Variants in MOCOS observed in about 807,000 individuals in gnomAD.
MOCOS encodes molybdenum cofactor sulfurase, also known as human molybdenum cofactor sulfurase.
MOCOS carries 86 observed loss-of-function variants against 83.6 expected under a neutral mutation model. The observed-to-expected ratio is 1.03, with a 90% confidence interval of 0.86 to 1.23. The LOEUF is 1.23. MOCOS is among the 50% of genes most tolerant of loss of function. The pLI, the probability that MOCOS is intolerant of heterozygous loss-of-function variation, is 0.00. For synonymous variants in MOCOS, 445 were observed against 434.7 expected (o/e 1.02, Z -0.29); for missense variants, 1,120 against 1,126.9 (o/e 0.99, Z 0.09).
At chr18:36,197,727 C>G (rs1263576838) in intron 2 of MOCOS, among the ~76,000 whole-genome samples, 1 of 151,910 alleles carries the variant, frequency 6.6e-6, no homozygotes, top group East Asian at 2.0e-4. Context: ...GAGCTATGAT[C>G]AGCCACTGTA....
At chr18:36,201,663 C>CAAAAAA (rs200846253) in intron 4 of MOCOS, among the ~76,000 whole-genome samples, 20 of 69,458 alleles carry the variant, frequency 2.9e-4, no homozygotes, top group East Asian at 4.8e-4. Context: ...ACTCCATCTC[C>CAAAAAA]AAAAAAAAAA....
In MOCOS at chr18:36,215,747, GT is replaced by G; in HGVS notation, c.1568del (p.Val523AlafsTer26). On this transcript the variant is annotated frameshift_variant, in exon 8 of 15. Coordinates refer to ENST00000261326, the MANE Select transcript of MOCOS (RefSeq NM_017947.4). LOFTEE classifies it high-confidence loss of function. ...CAGCCAGGCTGATGTTATACCTGCT[GT>G]CATGGGCAGACGTAGCCTCTCGCCT... is the stretch of plus-strand genomic sequence containing the variant. ...ADSQADVIPA[V>X]MGRRSLSPQE... 1.2e-6 allele frequency: 2 copies of G among 1,614,222 alleles called. No individual in the cohort carries two copies. The highest frequency in any genetic ancestry group is 1.7e-6 in the Non-Finnish European group (2 of 1,180,048).
In MOCOS at chr18:36,215,151, G is replaced by A. The variant is rs147014341; in HGVS notation, c.1336-365G>A. ...GTGATGTTTCTCCCATCTCAGCCCC[G>A]GGTAGACCTTGAGGTTGACCCCTTG... On this transcript the variant is annotated intron_variant, in intron 7 of 14. Coordinates refer to ENST00000261326, the MANE Select transcript of MOCOS (RefSeq NM_017947.4). Among the ~76,000 whole-genome samples the A allele has an allele frequency of 1.3e-4, 20 of 152,300 alleles. No homozygotes were observed. In the East Asian group the frequency reaches 1.7e-3, roughly 13 times the overall value.
At position 36,268,611 on chromosome 18, in the gene MOCOS, C is replaced by T; in HGVS notation, c.2593C>T (p.Leu865Phe). 6.2e-7 allele frequency: 1 copy of T among 1,614,050 alleles called. No individual in the cohort carries two copies. The highest frequency in any genetic ancestry group is 2.2e-5 in the East Asian group (1 of 44,876). The change falls in exon 15 of 15, where the codon CTC (leucine) becomes TTC (phenylalanine). Residue 865 changes from leucine (L) to phenylalanine (F), a missense_variant. Physicochemically the swap from Leu to Phe is conservative, Grantham distance 22 (BLOSUM62 0). Transcript: ENST00000261326. ...PCFLSVGSQVLPVLKENVEGH... is the reference protein window; with the variant it reads ...PCFLSVGSQVFPVLKENVEGH... ...TTTCCTGTCTGTAGGATCTCAGGTG[C>T]TCCCTGTGTTGAAAGAGAATGTGGA...
chr18:36,191,776 G>C (rs2091367355), intron 1 of MOCOS, among the ~76,000 whole-genome samples: 1 of 152,104 alleles, frequency 6.6e-6, no homozygotes, highest in Non-Finnish European at 1.5e-5. Flanking sequence ...ACACATGTGA[G>C]CCATATGTCT....
chr18:36,195,395 T>C (rs2091383187), intron 2 of MOCOS, 49 bp downstream of exon 2: 6 of 1,443,200 alleles, frequency 4.2e-6, no homozygotes, highest in Non-Finnish European at 5.9e-6. Context: ...ATGCAGCTGA[T>C]ATACCTGTGC....
chr18:36,214,244 CAAAAAAAAA>C (rs33965546), intron 7 of MOCOS, among the ~76,000 whole-genome samples: 1 of 91,396 alleles, frequency 1.1e-5, no homozygotes, highest in Non-Finnish European at 2.1e-5. Flanking sequence ...AACTCAGTCT[CAAAAAAAAA>C]AAAAAAAAAG....
At chr18:36,243,581 G>T (rs683711) in intron 9 of MOCOS, among the ~76,000 whole-genome samples, 90,004 of 150,886 alleles carry the variant, frequency 0.6, 27,613 homozygotes, top group African/African-American at 0.72. Flanking sequence ...TTCTTTTTTT[G>T]TTGTTATGTC....
rs774132185 is a variant in MOCOS at position 36,256,938 on chromosome 18, C to T, written c.2165-30C>T. 7 of 1,565,402 alleles carry T rather than the reference C, an allele frequency of 4.5e-6. 1 individual carries two copies. In the South Asian group the frequency reaches 6.7e-5, roughly 15 times the overall value. ...ATTCACTGGCATTCTGAGAAAGCAA[C>T]TCTTCTTTTAAATGCTCCATCATTT... On this transcript the variant is annotated intron_variant, in intron 11 of 14. Coordinates refer to ENST00000261326, the MANE Select transcript of MOCOS (RefSeq NM_017947.4).
At chr18:36,248,282 A>T (rs1259926257) in intron 9 of MOCOS, among the ~76,000 whole-genome samples, 1 of 152,074 alleles carries the variant, frequency 6.6e-6, no homozygotes, top group African/African-American at 2.4e-5. Flanking sequence ...TTGCTCATTT[A>T]AAAAAATTGA....
chr18:36,219,524 C>T (rs1011839845), intron 8 of MOCOS, among the ~76,000 whole-genome samples: 2 of 151,824 alleles, frequency 1.3e-5, no homozygotes, highest in East Asian at 1.9e-4. Context: ...ACTAAAAATA[C>T]AAAACTTAGC....
At chr18:36,197,333 G>T (rs1476148428) in intron 2 of MOCOS, among the ~76,000 whole-genome samples, 1 of 152,116 alleles carries the variant, frequency 6.6e-6, no homozygotes, top group Non-Finnish European at 1.5e-5. Flanking sequence ...GTTAAACAGA[G>T]CCACAGCCAC....
At chr18:36,257,102 A>T in intron 12 of MOCOS, 29 bp downstream of exon 12, 1 of 1,580,728 alleles carries the variant, frequency 6.3e-7, no homozygotes, top group Non-Finnish European at 8.7e-7. Context: ...GGACTAGCAG[A>T]CAAGCATAAC....
chr18:36,192,897 C>T lies in MOCOS; in HGVS notation c.143-2360C>T, dbSNP rs556276634. ...CTCCTGACCTCAGATGATCCACTCA[C>T]CTCAGCTTCCCCAAGTGCTGAGATT... On this transcript the variant is annotated intron_variant, in intron 1 of 14. Transcript: ENST00000261326. Among the ~76,000 whole-genome samples the T allele has an allele frequency of 7.9e-4, 120 of 152,262 alleles. 1 individual carries two copies. Among genetic ancestry groups the T allele is most frequent in the Non-Finnish European group, 1.4e-3 (96 of 68,024 alleles).
intron 1 of MOCOS, among the ~76,000 whole-genome samples, chr18:36,192,614 A>G (rs1035002421): frequency 6.6e-6 from 1 of 152,230 alleles, no homozygotes; most frequent in African/African-American, 2.4e-5. Context: ...AAATTTATAT[A>G]GAAATGCAAG....
At chr18:36,216,223 A>G (rs1001122207) in intron 8 of MOCOS, among the ~76,000 whole-genome samples, 1 of 152,124 alleles carries the variant, frequency 6.6e-6, no homozygotes, top group Non-Finnish European at 1.5e-5. Context: ...TATAGCTGTA[A>G]CTTTCACTGA....
At chr18:36,201,936 A>G (rs2091416543) in intron 4 of MOCOS, among the ~76,000 whole-genome samples, 1 of 152,166 alleles carries the variant, frequency 6.6e-6, no homozygotes, top group Admixed American at 6.5e-5. Flanking sequence ...CCTCAAATTT[A>G]ATTTGGCCAA....
chr18:36,214,269 A>AAAAG (rs1555652320), intron 7 of MOCOS, among the ~76,000 whole-genome samples: 169 of 8,846 alleles, frequency 0.019, 2 homozygotes, highest in Non-Finnish European at 0.056. Flanking sequence ...AAAAGAAAAG[A>AAAAG]AAAAAAAGAA....
chr18:36,205,559 A>G (rs2091431788), intron 6 of MOCOS, among the ~76,000 whole-genome samples: 1 of 152,200 alleles, frequency 6.6e-6, no homozygotes, highest in African/African-American at 2.4e-5. Flanking sequence ...CTGGTCCACT[A>G]AAATGTCCAG....
Sources: gnomAD v4.1 joint callset for allele counts (sites outside exome capture counted in the v4.1 genomes callset) on GRCh38, gnomAD v4.1.1 for gene constraint, MANE v1.5 for transcripts, NCBI Gene and HGNC (gene_info 2026-07-23, HGNC 2026-07-21) for gene names.